EGR4: variants seen among roughly 807,000 people sequenced by gnomAD.
EGR4 encodes the protein early growth response 4.
In EGR4, 22 loss-of-function variants were observed where a neutral mutation model predicts 25.4. The observed-to-expected ratio is 0.87, with a 90% confidence interval of 0.62 to 1.24. The LOEUF (loss-of-function observed/expected upper bound fraction) is 1.24. EGR4 is among the 50% of genes most tolerant of loss of function. The probability of loss-of-function intolerance (pLI) is 0.00; values close to 1 mark genes in which losing one functional copy is unlikely to be tolerated. For missense variants in EGR4, 742 were observed against 702.9 expected (o/e 1.06, Z -0.63); for synonymous variants, 375 against 320.1 (o/e 1.17, Z -1.83).
Position 73,291,626 on chromosome 2 carries a change from G to T in EGR4, c.1292C>A (p.Thr431Asn). 1.2e-6 allele frequency: 2 copies of T among 1,612,850 alleles called. No individual in the cohort carries two copies. The highest frequency in any genetic ancestry group is 1.7e-6 in the Non-Finnish European group (2 of 1,179,924). ...RSDHLTTHVR[T>N]HTGEKPFACD... ...AGCAAAAGGCTTCTCGCCGGTGTGG[G>T]TGCGCACGTGCGTGGTGAGGTGGTC... is the stretch of plus-strand genomic sequence containing the variant. Residue 431 changes from threonine (T) to asparagine (N), a missense_variant, in exon 2 of 2, where the codon ACC (threonine) becomes AAC (asparagine). Coordinates refer to ENST00000436467, the MANE Select transcript of EGR4 (RefSeq NM_001965.4).
intron 1 of EGR4, 125 bp downstream of exon 1, chr2:73,293,057 A>C: frequency 9.5e-7 from 1 of 1,053,868 alleles, no homozygotes; most frequent in Non-Finnish European, 1.3e-6. Context: ...GCACCCCAGG[A>C]CTCCTAAGCT....
At position 73,292,726 on chromosome 2, in the gene EGR4, G is replaced by A. The variant is rs745762572; in HGVS notation, c.192C>T (p.Ala64=). Residue 64 remains alanine (A), a synonymous_variant, in exon 2 of 2, where the codon GCC becomes GCT. Transcript: ENST00000436467. ...CAGGCCCCTCCAGGAAGCAGGAGTC[G>A]GCTAAGTCCCCACTTGCGCCGCAGC... The part of the protein sequence containing the change: ...LNSCGASGDL[A]DSCFLEGPAP... 36 of 1,481,832 alleles carry A rather than the reference G, an allele frequency of 2.4e-5. No individual in the cohort carries two copies. Among genetic ancestry groups the A allele is most frequent in the South Asian group, 2.9e-5 (2 of 69,658 alleles). The allele number at this position is 1,481,832 out of a possible 1,614,324, so 91.8% of individuals were successfully genotyped here. A position where few individuals can be genotyped will look rare whatever the true frequency, so the allele number is the denominator to read the frequency against.
rs1342180960 is a variant in EGR4, at chr2:73,292,615, G to C, written c.303C>G (p.Leu101=). The C allele has an allele frequency of 6.5e-7, 1 of 1,537,800 alleles. No individual in the cohort carries two copies. Among genetic ancestry groups the C allele is most frequent in the Non-Finnish European group, 8.7e-7 (1 of 1,143,374 alleles). The part of the protein sequence containing the change: ...VPEHPHDPEA[L]FNLMSGILGL... ...CTAAGATGCCCGACATGAGGTTGAA[G>C]AGTGCCTCCGGGTCGTGCGGGTGTT... Residue 101 remains leucine, a synonymous_variant, in exon 2 of 2, where the codon CTC becomes CTG. Coordinates refer to ENST00000436467, the MANE Select transcript of EGR4 (RefSeq NM_001965.4).
Position 73,292,588 on chromosome 2 carries a change from G to T in EGR4, c.330C>A (p.Gly110=). Residue 110 remains glycine (G), a synonymous_variant, in exon 2 of 2, where the codon GGC becomes GGA. Transcript: ENST00000436467. ...CCTCTGGACCGGGGAAGGGTGCCAG[G>T]CCTAAGATGCCCGACATGAGGTTGA... ...ALFNLMSGIL[G]LAPFPGPEAA... The T allele has an allele frequency of 6.6e-7, 1 of 1,515,680 alleles. No individual in the cohort carries two copies. 93.9% of individuals were successfully genotyped at this position (1,515,680 alleles called of 1,614,324 possible). A position where few individuals can be genotyped will look rare whatever the true frequency, so the allele number is the denominator to read the frequency against.
In EGR4 at chr2:73,291,843, T is replaced by G. The variant is rs756827237; in HGVS notation, c.1075A>C (p.Lys359Gln). 1 of 1,580,182 alleles carries G rather than the reference T, an allele frequency of 6.3e-7. No homozygotes were observed. Among genetic ancestry groups the G allele is most frequent in the South Asian group, 1.1e-5 (1 of 87,832 alleles). Residue 359 changes from lysine to glutamine, a missense_variant, in exon 2 of 2, where the codon AAG (lysine) becomes CAG (glutamine). Coordinates refer to ENST00000436467, the MANE Select transcript of EGR4 (RefSeq NM_001965.4). ...CTGCATTTGCCGCCGCGGCGCCCCT[T>G]GCGTCGCGCCTTGGCCTGGGGGAAA... ...TPFPQAKARR[K>Q]GRRGGKCSTR...
chr2:73,293,084 C>T (rs1031482551), intron 1 of EGR4, 98 bp downstream of exon 1: 13 of 1,236,950 alleles, frequency 1.1e-5, no homozygotes, highest in Non-Finnish European at 1.2e-5. Flanking sequence ...CGCCCCTATT[C>T]TCATAGCTCC....
chr2:73,291,800 G>C lies in EGR4; in HGVS notation c.1118C>G (p.Pro373Arg). ...AGCGAAGGCCTTGGCGTGCGGCCGC[G>C]GGCAGAAGCAGCGCGTGCTGCATTT... ...GGKCSTRCFC[P>R]RPHAKAFACP... is the part of the protein sequence containing the mutation. The change falls in exon 2 of 2, where the codon CCG (proline) becomes CGG (arginine). Residue 373 changes from proline to arginine, a missense_variant. Coordinates refer to ENST00000436467, the MANE Select transcript of EGR4 (RefSeq NM_001965.4). The C allele has an allele frequency of 1.3e-6, 2 of 1,595,196 alleles. No individual in the cohort carries two copies. Among genetic ancestry groups the C allele is most frequent in the Non-Finnish European group, 1.7e-6 (2 of 1,175,744 alleles).
intron 1 of EGR4, 36 bp from the exon 2 acceptor site, chr2:73,292,817 A>G: frequency 7.2e-7 from 1 of 1,394,950 alleles, no homozygotes; most frequent in South Asian, 2.0e-5. Flanking sequence ...TGGGCACATC[A>G]AAGGGTGCAC....
rs760368747 is a variant in EGR4 at position 73,293,368 on chromosome 2, G to A, written c.-51C>T. 9 of 1,507,572 alleles carry A rather than the reference G, an allele frequency of 6.0e-6. No homozygotes were observed. In the South Asian group the frequency reaches 1.1e-4, roughly 19 times the overall value. The allele number at this position is 1,507,572 out of a possible 1,614,324, so 93.4% of individuals were successfully genotyped here. Reference sequence around the variant, plus strand: ...CGGGGCCTCGCCCGCTGGGCTTGGGGGCGCGCGGGTGGCGGGGAGGCTGGC... The same window carrying A: ...CGGGGCCTCGCCCGCTGGGCTTGGGAGCGCGCGGGTGGCGGGGAGGCTGGC... On this transcript the variant is annotated 5_prime_UTR_variant, in exon 1 of 2. Coordinates refer to ENST00000436467, the MANE Select transcript of EGR4 (RefSeq NM_001965.4).
chr2:73,291,672 G>A lies in EGR4; in HGVS notation c.1246C>T (p.Leu416Phe). 2 of 1,610,774 alleles carry A rather than the reference G, an allele frequency of 1.2e-6. No individual in the cohort carries two copies. Among genetic ancestry groups the A allele is most frequent in the Non-Finnish European group, 1.7e-6 (2 of 1,179,904 alleles). Reference protein sequence around the residue: ...GHKPFQCRICLRNFSRSDHLT... With the variant: ...GHKPFQCRICFRNFSRSDHLT... ...TGGTCGCTGCGGCTGAAGTTGCGGA[G>A]GCAGATGCGGCACTGGAAGGGTTTG... is the stretch of plus-strand genomic sequence containing the variant. The change falls in exon 2 of 2, where the codon CTC (leucine) becomes TTC (phenylalanine). Residue 416 changes from leucine (L) to phenylalanine (F), a missense_variant. Physicochemically the swap from Leu to Phe is conservative, Grantham distance 22. Transcript: ENST00000436467.
chr2:73,291,457 T>C lies in EGR4; in HGVS notation c.1461A>G (p.Ter487TrpextTer80). ...YSLGLSFASL* is the reference protein window; with the variant it reads ...YSLGLSFASLW ...CCCAACCCATAAACCCATCTCTTGC[T>C]CAGAGAGAAGCGAAGGAGAGGCCCA... Residue 487 changes from the stop codon to tryptophan, a stop_lost, in exon 2 of 2, where the codon TGA becomes TGG. Transcript: ENST00000436467. 6.3e-7 allele frequency: 1 copy of C among 1,596,016 alleles called. No homozygotes were observed. Among genetic ancestry groups the C allele is most frequent in the Non-Finnish European group, 8.5e-7 (1 of 1,170,424 alleles).
In EGR4 at chr2:73,291,814, C is replaced by T; in HGVS notation, c.1104G>A (p.Thr368=). The T allele has an allele frequency of 6.3e-7, 1 of 1,591,500 alleles. No homozygotes were observed. The highest frequency in any genetic ancestry group is 8.5e-7 in the Non-Finnish European group (1 of 1,174,034). ...CGTGCGGCCGCGGGCAGAAGCAGCG[C>T]GTGCTGCATTTGCCGCCGCGGCGCC... ...RKGRRGGKCS[T]RCFCPRPHAK... Residue 368 remains threonine (T), a synonymous_variant, in exon 2 of 2, where the codon ACG becomes ACA. Transcript: ENST00000436467.
At chr2:73,293,081 A>G (rs1338938759) in intron 1 of EGR4, 101 bp downstream of exon 1, 2 of 1,208,310 alleles carry the variant, frequency 1.7e-6, no homozygotes, top group Non-Finnish European at 2.2e-6. Flanking sequence ...CATCGCCCCT[A>G]TTCTCATAGC....
rs969344128 is a variant in EGR4 at position 73,293,326 on chromosome 2, G to A, written c.-9C>T. On this transcript the variant is annotated 5_prime_UTR_variant, in exon 1 of 2. Coordinates refer to ENST00000436467, the MANE Select transcript of EGR4 (RefSeq NM_001965.4). ...TCGCTAAGGTGGAGCATGGCGCGGC[G>A]CCGGCTGTGGGGCGCCCGGGGCCTC... 5.1e-6 allele frequency: 8 copies of A among 1,571,530 alleles called. No homozygotes were observed. The highest frequency in any genetic ancestry group is 3.8e-5 in the Admixed American group (2 of 52,682).
rs573006419 is a variant in EGR4, at chr2:73,292,378, G to A, written c.540C>T (p.Pro180=). Residue 180 remains proline, a synonymous_variant, in exon 2 of 2, where the codon CCC becomes CCT. Coordinates refer to ENST00000436467, the MANE Select transcript of EGR4 (RefSeq NM_001965.4). The stretch of plus-strand genomic sequence containing the variant: ...GCGCCCGGAGGCCGGGCTTGACGTC[G>A]GGCGGGGAGAGCTGAGGCTCATACA... ...QCLYEPQLSP[P]DVKPGLRAPP... The A allele has an allele frequency of 7.8e-6, 12 of 1,542,828 alleles. No homozygotes were observed. The highest frequency in any genetic ancestry group is 5.1e-5 in the South Asian group (4 of 78,924).
chr2:73,291,742 C>T lies in EGR4; in HGVS notation c.1176G>A (p.Ala392=), dbSNP rs765202878. 9 of 1,602,546 alleles carry T rather than the reference C, an allele frequency of 5.6e-6. No individual in the cohort carries two copies. The East Asian group carries it at 1.3e-4, about 24-fold the overall frequency. The change falls in exon 2 of 2, where the codon GCG becomes GCA. Residue 392 remains alanine, a synonymous_variant. Transcript: ENST00000436467. The part of the protein sequence containing the change: ...CPVESCVRSF[A]RSDELNRHLR... ...GGTGGCGATTGAGCTCGTCGGAGCG[C>T]GCAAAGCTCCGCACACAACTCTCCA...
At chr2:73,292,916 G>T in intron 1 of EGR4, 135 bp from the exon 2 acceptor site, 1 of 1,105,408 alleles carries the variant, frequency 9.0e-7, no homozygotes, top group Non-Finnish European at 1.2e-6. Context: ...GCAGGGGCCC[G>T]CATACGTCCC....
At chr2:73,292,909 G>C in intron 1 of EGR4, 128 bp from the exon 2 acceptor site, 1 of 1,158,924 alleles carries the variant, frequency 8.6e-7, no homozygotes, top group Non-Finnish European at 1.1e-6. Context: ...TGATTCAGCA[G>C]GGGCCCGCAT....
chr2:73,293,130 C>T (rs1689144477), intron 1 of EGR4, 52 bp downstream of exon 1: 4 of 1,386,272 alleles, frequency 2.9e-6, no homozygotes, highest in South Asian at 3.2e-5. Context: ...AGGTATGGTG[C>T]GCCCCCGCGC....
Sources: gnomAD v4.1 joint callset for allele counts on GRCh38, gnomAD v4.1.1 for gene constraint, MANE v1.5 for transcripts, NCBI Gene and HGNC (gene_info 2026-07-23, HGNC 2026-07-21) for gene names.